PTPRG: variants seen among roughly 807,000 people sequenced by gnomAD.
PTPRG encodes the protein protein tyrosine phosphatase receptor type G.
A neutral mutation model predicts 165.3 loss-of-function variants in PTPRG; 102 were observed. That is an observed-to-expected ratio of 0.62 (90% CI 0.53 to 0.73). The LOEUF (loss-of-function observed/expected upper bound fraction) is 0.73. Among genes scored for constraint, PTPRG ranks in the 30% least tolerant of loss-of-function variants. The pLI, the probability that PTPRG is intolerant of heterozygous loss-of-function variation, is 0.00. For missense variants in PTPRG, 1,866 were observed against 1,861.4 expected, an observed-to-expected ratio of 1.00 and a Z score of -0.05; for synonymous variants, 675 against 669.5, an observed-to-expected ratio of 1.01 and a Z score of -0.13.
chr3:62,121,093 C>T (rs1260457259), intron 5 of PTPRG, among the ~76,000 whole-genome samples: 13 of 149,062 alleles, frequency 8.7e-5, no homozygotes, highest in South Asian at 4.4e-4. Flanking sequence ...TACAGGCGCC[C>T]ACCACTAGCC....
At chr3:62,175,079 A>C (rs1245500654) in intron 8 of PTPRG, among the ~76,000 whole-genome samples, 1 of 152,188 alleles carries the variant, frequency 6.6e-6, no homozygotes, top group Non-Finnish European at 1.5e-5. Flanking sequence ...ATTATATCCA[A>C]CATTTTTAAA....
chr3:62,063,167 G>A, intron 4 of PTPRG, among the ~76,000 whole-genome samples: 1 of 152,276 alleles, frequency 6.6e-6, no homozygotes, highest in African/African-American at 2.4e-5. Flanking sequence ...GCTTGAACTT[G>A]AACTTTCATT....
intron 26 of PTPRG, 25 bp from the exon 27 acceptor site, chr3:62,281,538 C>CTTTTTTTTCTTTTTTTTT: frequency 1.6e-6 from 1 of 620,524 alleles, no homozygotes; most frequent in Non-Finnish European, 2.1e-6. Context: ...ACTGCAGAGG[C>CTTTTTTTTCTTTTTTTTT]TTTTTTTTTT....
intron 1 of PTPRG, among the ~76,000 whole-genome samples, chr3:61,671,676 T>A (rs2107070471): frequency 6.7e-6 from 1 of 148,798 alleles, no homozygotes; most frequent in Non-Finnish European, 1.5e-5. Context: ...GACGGGGTGG[T>A]GGCCGGGCAG....
chr3:62,074,306 AT>A (rs1253900014), intron 4 of PTPRG, among the ~76,000 whole-genome samples: 1 of 137,564 alleles, frequency 7.3e-6, no homozygotes, highest in Non-Finnish European at 1.6e-5. Flanking sequence ...TTATTGCTGG[AT>A]TTTCCAGATC....
chr3:61,645,146 T>C (rs1702165712), intron 1 of PTPRG, among the ~76,000 whole-genome samples: 1 of 152,148 alleles, frequency 6.6e-6, no homozygotes, highest in Non-Finnish European at 1.5e-5. Context: ...AGTAAACAAA[T>C]AGAAGGCCAG....
chr3:62,203,975 G>A lies in PTPRG; in HGVS notation c.2155+25G>A, dbSNP rs1389495175. The A allele has an allele frequency of 1.3e-6, 2 of 1,528,362 alleles. No individual in the cohort carries two copies. The highest frequency in any genetic ancestry group is 1.8e-6 in the Non-Finnish European group (2 of 1,136,444). The allele number at this position is 1,528,362 out of a possible 1,614,324, so 94.7% of individuals were successfully genotyped here. A position where few individuals can be genotyped will look rare whatever the true frequency, so the allele number is the denominator to read the frequency against. Reference sequence around the variant, plus strand: ...GGTAAGTGGTGCAGGTCTTCTTCGAGGGTTCCTGCTCCTGTGAATAGTCGT... The same window carrying A: ...GGTAAGTGGTGCAGGTCTTCTTCGAAGGTTCCTGCTCCTGTGAATAGTCGT... On this transcript the variant is annotated intron_variant, in intron 12 of 29. Coordinates refer to ENST00000474889, the MANE Select transcript of PTPRG (RefSeq NM_002841.4). The surrounding 1 kb of genome is among the most constrained non-coding windows in gnomAD (Gnocchi z 6.4).
chr3:61,807,177 A>C (rs778891692), intron 2 of PTPRG, among the ~76,000 whole-genome samples: 3 of 152,104 alleles, frequency 2.0e-5, no homozygotes, highest in Non-Finnish European at 2.9e-5. Context: ...TGTAAATCAC[A>C]AGGAGAGAGG....
chr3:62,244,384 T>C (rs1701242322), intron 15 of PTPRG, among the ~76,000 whole-genome samples: 1 of 152,098 alleles, frequency 6.6e-6, no homozygotes, highest in South Asian at 2.1e-4. Flanking sequence ...AATAATGGAG[T>C]GCACACTGTA....
intron 1 of PTPRG, among the ~76,000 whole-genome samples, chr3:61,578,941 A>G (rs1700223672): frequency 6.6e-6 from 1 of 152,200 alleles, no homozygotes; most frequent in African/African-American, 2.4e-5. Flanking sequence ...AAGTTCTTTT[A>G]CGAGGGATAA....
intron 1 of PTPRG, among the ~76,000 whole-genome samples, chr3:61,587,126 A>G (rs764683488): frequency 1.4e-4 from 21 of 152,234 alleles, no homozygotes; most frequent in Non-Finnish European, 1.9e-4. Flanking sequence ...TGTAGCACTG[A>G]TGGCAAATAT....
At chr3:61,743,838 T>C (rs1312225213) in intron 1 of PTPRG, among the ~76,000 whole-genome samples, 1 of 152,248 alleles carries the variant, frequency 6.6e-6, no homozygotes, top group Non-Finnish European at 1.5e-5. Flanking sequence ...CTACATATTT[T>C]CATAAGCATG....
chr3:61,642,481 G>A (rs1702094888), intron 1 of PTPRG, among the ~76,000 whole-genome samples: 1 of 152,128 alleles, frequency 6.6e-6, no homozygotes. Flanking sequence ...GGTTCTACAA[G>A]CTGGTGACTG....
chr3:61,974,764 A>T (rs555621564), intron 2 of PTPRG, among the ~76,000 whole-genome samples: 9 of 152,266 alleles, frequency 5.9e-5, no homozygotes, highest in African/African-American at 2.2e-4. Flanking sequence ...TTCTTTGCAG[A>T]TTATGAAGAG....
At chr3:61,697,864 G>A (rs1044548002) in intron 1 of PTPRG, among the ~76,000 whole-genome samples, 4 of 152,052 alleles carry the variant, frequency 2.6e-5, no homozygotes, top group African/African-American at 9.7e-5. Flanking sequence ...TATTCTGTCT[G>A]TTGTCAGTTT....
At chr3:61,815,721 G>A (rs1371479638) in intron 2 of PTPRG, among the ~76,000 whole-genome samples, 2 of 152,178 alleles carry the variant, frequency 1.3e-5, no homozygotes, top group Non-Finnish European at 2.9e-5. Context: ...AAGATACAGT[G>A]GCTGTTTATT....
chr3:61,813,342 A>AG (rs890978207), intron 2 of PTPRG, among the ~76,000 whole-genome samples: 5 of 150,002 alleles, frequency 3.3e-5, no homozygotes, highest in Admixed American at 2.0e-4. Context: ...AAAAAAAAAA[A>AG]AAAATAGAAA....
chr3:61,562,116 GCGCTCGGCGGCTTCCCGGATTCCAA>G lies in PTPRG; in HGVS notation c.-171_-147del. 3 of 588,146 alleles carry G rather than the reference GCGCTCGGCGGCTTCCCGGATTCCAA, an allele frequency of 5.1e-6. No homozygotes were observed. Among genetic ancestry groups the G allele is most frequent in the East Asian group, 2.9e-5 (1 of 34,846 alleles). 36.4% of individuals were successfully genotyped at this position (588,146 alleles called of 1,614,324 possible). A position where few individuals can be genotyped will look rare whatever the true frequency, so the allele number is the denominator to read the frequency against. On this transcript the variant is annotated 5_prime_UTR_variant, in exon 1 of 30. Coordinates refer to ENST00000474889, the MANE Select transcript of PTPRG (RefSeq NM_002841.4). ...GTCACTTTTTGAGATTTTCCGGGGG[GCGCTCGGCGGCTTCCCGGATTCCAA>G]GGGGACTCGGGCCGCCGAGCGCGGG...
At chr3:61,967,878 T>A (rs182880887) in intron 2 of PTPRG, among the ~76,000 whole-genome samples, 1 of 152,202 alleles carries the variant, frequency 6.6e-6, no homozygotes, top group South Asian at 2.1e-4. Context: ...TATTTGTGTA[T>A]ACACAACTGA....
Sources: allele counts gnomAD v4.1 joint callset (sites outside exome capture counted in the v4.1 genomes callset), GRCh38; gene constraint gnomAD v4.1.1; non-coding constraint Gnocchi (gnomAD v3.1); transcripts MANE v1.5; gene names NCBI Gene and HGNC (gene_info 2026-07-23, HGNC 2026-07-21).